The following NAALADL2 variants were observed in gnomAD, a reference collection of about 807,000 sequenced individuals.
NAALADL2 encodes the protein inactive N-acetylated-alpha-linked acidic dipeptidase-like protein 2.
A neutral mutation model predicts 87.2 loss-of-function variants in NAALADL2; 76 were observed. The ratio of observed to expected loss-of-function variants is 0.87; its 90% CI spans 0.72 to 1.05. The LOEUF (loss-of-function observed/expected upper bound fraction) is 1.05, where lower values mean the gene tolerates loss of function less well. NAALADL2 is among the 50% of genes least tolerant of loss of function. The pLI, the probability that NAALADL2 is intolerant of heterozygous loss-of-function variation, is 0.00. For missense variants in NAALADL2, 1,089 were observed against 945.8 expected (o/e 1.15, Z -1.99); for synonymous variants, 354 against 331.0 (o/e 1.07, Z -0.75).
At chr3:174,457,920 T>C (rs1205036163) in intron 1 of NAALADL2, among the ~76,000 whole-genome samples, 1 of 152,022 alleles carries the variant, frequency 6.6e-6, no homozygotes, top group East Asian at 1.9e-4. Flanking sequence ...TTCTCACTTA[T>C]AAGTGGGAGC....
chr3:175,143,214 T>A, intron 2 of NAALADL2, among the ~76,000 whole-genome samples: 1 of 151,956 alleles, frequency 6.6e-6, no homozygotes, highest in East Asian at 1.9e-4. Context: ...ATATGCATAG[T>A]ATCTAATAGT....
At chr3:174,562,513 C>A (rs559375417) in intron 2 of NAALADL2, among the ~76,000 whole-genome samples, 1 of 152,002 alleles carries the variant, frequency 6.6e-6, no homozygotes, top group Non-Finnish European at 1.5e-5. Flanking sequence ...ATCCAGACTA[C>A]GGTAGAACTG....
At chr3:175,740,883 C>A (rs1745150678) in intron 12 of NAALADL2, among the ~76,000 whole-genome samples, 1 of 152,164 alleles carries the variant, frequency 6.6e-6, no homozygotes, top group Admixed American at 6.5e-5. Context: ...GATCCAAGAA[C>A]CCTCTCTTGG....
At chr3:175,723,826 C>G (rs548524209) in intron 11 of NAALADL2, among the ~76,000 whole-genome samples, 8 of 152,094 alleles carry the variant, frequency 5.3e-5, no homozygotes, top group African/African-American at 1.9e-4. Context: ...TTTCACTTAC[C>G]TGTTCCTCTT....
At chr3:175,505,533 T>C (rs1730189992) in intron 9 of NAALADL2, among the ~76,000 whole-genome samples, 1 of 152,166 alleles carries the variant, frequency 6.6e-6, no homozygotes, top group African/African-American at 2.4e-5. Flanking sequence ...GGGACAATGT[T>C]GTTGGCTTAT....
chr3:174,867,736 G>A (rs1015082811), intron 1 of NAALADL2, among the ~76,000 whole-genome samples: 2 of 151,988 alleles, frequency 1.3e-5, no homozygotes, highest in African/African-American at 4.8e-5. Flanking sequence ...AAAACAAGAA[G>A]CTTTAAATAA....
In NAALADL2 at chr3:175,447,209, C is replaced by T; in HGVS notation, c.1091-20C>T. 5 of 1,535,190 alleles carry T rather than the reference C, an allele frequency of 3.3e-6. No individual in the cohort carries two copies. The highest frequency in any genetic ancestry group is 4.4e-6 in the Non-Finnish European group (5 of 1,140,028). On this transcript the variant is annotated intron_variant, in intron 5 of 13. Transcript: ENST00000454872. The stretch of plus-strand genomic sequence containing the variant: ...ATTTCTGTTTACTAAGGATTATCTT[C>T]CTTTGTCTTTTGAATACAGATGAAA...
At chr3:175,008,517 A>G (rs1337478742) in intron 1 of NAALADL2, among the ~76,000 whole-genome samples, 1 of 152,248 alleles carries the variant, frequency 6.6e-6, no homozygotes, top group Non-Finnish European at 1.5e-5. Context: ...ATGAGTCCTC[A>G]GATTTCAAGA....
intron 13 of NAALADL2, among the ~76,000 whole-genome samples, chr3:175,757,271 G>GTAAAATAA (rs1487962229): frequency 1.3e-5 from 2 of 151,996 alleles, no homozygotes; most frequent in African/African-American, 4.8e-5. Context: ...TAAGAAAAAG[G>GTAAAATAA]TAAAATAATA....
At chr3:175,644,074 G>A (rs145387344) in intron 11 of NAALADL2, among the ~76,000 whole-genome samples, 32 of 152,208 alleles carry the variant, frequency 2.1e-4, no homozygotes, top group African/African-American at 6.5e-4. Context: ...CATTATGTAT[G>A]TGTGTTGGTT....
chr3:174,838,960 A>G (rs964042568), intron 3 of NAALADL2, among the ~76,000 whole-genome samples: 5 of 151,904 alleles, frequency 3.3e-5, no homozygotes, highest in African/African-American at 1.2e-4. Context: ...GCCCATCAAC[A>G]CCCCCACCAT....
chr3:175,559,344 G>A (rs1352694868), intron 9 of NAALADL2, among the ~76,000 whole-genome samples: 5 of 152,032 alleles, frequency 3.3e-5, no homozygotes, highest in South Asian at 4.1e-4. Flanking sequence ...TTTTGCTGGA[G>A]TCTTTAGGTT....
intron 11 of NAALADL2, among the ~76,000 whole-genome samples, chr3:175,686,117 T>C (rs9833254): frequency 0.35 from 53,138 of 152,068 alleles, 14,165 homozygotes; most frequent in African/African-American, 0.75. Flanking sequence ...CATCCATGAA[T>C]CCTATTAAAA....
At chr3:175,293,342 A>G (rs952243455) in intron 4 of NAALADL2, among the ~76,000 whole-genome samples, 25 of 152,178 alleles carry the variant, frequency 1.6e-4, no homozygotes, top group African/African-American at 6.0e-4. Flanking sequence ...TGTGTGTAAT[A>G]TATATTGTTA....
At chr3:175,510,609 A>G (rs1731025704) in intron 9 of NAALADL2, among the ~76,000 whole-genome samples, 2 of 152,198 alleles carry the variant, frequency 1.3e-5, no homozygotes, top group Non-Finnish European at 1.5e-5. Context: ...TTTATAAACT[A>G]CCTCAGTCAC....
At chr3:175,516,115 A>G (rs566994194) in intron 9 of NAALADL2, among the ~76,000 whole-genome samples, 1 of 152,352 alleles carries the variant, frequency 6.6e-6, no homozygotes, top group Admixed American at 6.5e-5. Flanking sequence ...GACAGTTAGG[A>G]AACAAAGTCT....
In NAALADL2 at chr3:174,794,981, C is replaced by CTTTTT. The variant is rs772447340; in HGVS notation, c.-9+57258_-9+57262dup. On this transcript the variant is annotated intron_variant, in intron 3 of 3. Coordinates refer to the NAALADL2 transcript ENST00000434257. Reference sequence around the variant, plus strand: ...TTAAAAGTTGAAACTTCTAGTCCAGCTTTTTTTTTTTTTTTTTTTTTTTTT... The same window carrying CTTTTT: ...TTAAAAGTTGAAACTTCTAGTCCAGCTTTTTTTTTTTTTTTTTTTTTTTTTTTTTT... Among the ~76,000 whole-genome samples the CTTTTT allele has an allele frequency of 6.2e-3, 413 of 66,706 alleles. 66 individuals carry two copies. The highest frequency in any genetic ancestry group is 9.6e-3 in the African/African-American group (163 of 16,902). 43.8% of individuals were successfully genotyped at this position (66,706 alleles called of 152,430 possible).
chr3:175,283,984 T>A (rs1754656957), intron 4 of NAALADL2, among the ~76,000 whole-genome samples: 1 of 150,118 alleles, frequency 6.7e-6, no homozygotes, highest in Admixed American at 6.7e-5. Context: ...GGAAAAAAAA[T>A]AATTTAAATT....
At position 175,766,615 on chromosome 3, in the gene NAALADL2, A is replaced by G. The variant is rs552207367; in HGVS notation, c.2189+11197A>G. 4.6e-5 allele frequency among the ~76,000 whole-genome samples: 7 copies of G among 152,264 alleles called. No homozygotes were observed. The South Asian group carries it at 1.5e-3, about 32-fold the overall frequency. On this transcript the variant is annotated intron_variant, in intron 13 of 13. Transcript: ENST00000454872. ...ATGAAATCATGTTAGACATTTTAGC[A>G]TTTGTTTCTCTCTCCTTTATTTTAT... is the stretch of plus-strand genomic sequence containing the variant.
Sources: allele counts gnomAD v4.1 joint callset (sites outside exome capture counted in the v4.1 genomes callset), GRCh38; gene constraint gnomAD v4.1.1; transcripts MANE v1.5; gene names NCBI Gene and HGNC (gene_info 2026-07-23, HGNC 2026-07-21).